Variants in RAPGEF4 observed in about 807,000 individuals in gnomAD.
RAPGEF4 encodes the protein RAP guanine-nucleotide-exchange factor (GEF) 4.
In RAPGEF4, 66 loss-of-function variants were observed where a neutral mutation model predicts 147.9. The observed-to-expected ratio is 0.45, with a 90% confidence interval of 0.37 to 0.55. The LOEUF is 0.55. RAPGEF4 is among the 20% of genes least tolerant of loss of function. The pLI is 0.00. For synonymous variants in RAPGEF4, 419 were observed against 442.7 expected (o/e 0.95, Z 0.67); for missense variants, 1,071 against 1,257.3 (o/e 0.85, Z 2.24).
chr2:173,027,035 T>C (rs1575555325), intron 24 of RAPGEF4, 46 bp from the exon 25 acceptor site: 1 of 1,501,584 alleles, frequency 6.7e-7, no homozygotes, highest in Non-Finnish European at 9.0e-7. Context: ...TGCTGGTGTT[T>C]TGATTTAAAA....
chr2:172,856,577 G>A (rs1335549453), intron 4 of RAPGEF4, among the ~76,000 whole-genome samples: 2 of 152,118 alleles, frequency 1.3e-5, no homozygotes, highest in Non-Finnish European at 2.9e-5. Flanking sequence ...TTCTGTTTTT[G>A]TAGGCAGTTA....
rs746551041 is a variant in RAPGEF4, at chr2:172,805,696, A to G, written c.297+8083A>G. ...AAGGATTAATCCTTCCATTTCGCCA[A>G]TAATATCTGTCCCCACCTTCAGTCT... On this transcript the variant is annotated intron_variant, in intron 3 of 30. Transcript: ENST00000397081. Among the ~76,000 whole-genome samples, 26 of 152,274 alleles carry G rather than the reference A, an allele frequency of 1.7e-4. No individual in the cohort carries two copies. The South Asian group carries it at 1.9e-3, about 11-fold the overall frequency.
intron 6 of RAPGEF4, among the ~76,000 whole-genome samples, chr2:172,959,483 A>G (rs1689068645): frequency 6.6e-6 from 1 of 152,152 alleles, no homozygotes; most frequent in South Asian, 2.1e-4. Flanking sequence ...GTAACCTGAC[A>G]TGTTTGAAGG....
intron 6 of RAPGEF4, among the ~76,000 whole-genome samples, chr2:172,931,040 C>G (rs181229869): frequency 1.4e-4 from 22 of 152,074 alleles, no homozygotes; most frequent in Admixed American, 9.8e-4. Context: ...TTGCCAGTTC[C>G]CATCCCTGAC....
At chr2:172,946,442 T>C (rs777764099) in intron 6 of RAPGEF4, among the ~76,000 whole-genome samples, 1 of 152,212 alleles carries the variant, frequency 6.6e-6, no homozygotes, top group Non-Finnish European at 1.5e-5. Flanking sequence ...TCTGATTCTC[T>C]GTATCTATTC....
intron 1 of RAPGEF4, among the ~76,000 whole-genome samples, chr2:172,768,605 C>T (rs374557202): frequency 1.3e-5 from 2 of 152,186 alleles, no homozygotes. Context: ...TTGTAGGTGC[C>T]GGTGACATCA....
At chr2:173,026,065 A>G (rs932850913) in intron 23 of RAPGEF4, among the ~76,000 whole-genome samples, 3 of 152,174 alleles carry the variant, frequency 2.0e-5, no homozygotes, top group African/African-American at 7.2e-5. Flanking sequence ...AGAGCTTTCC[A>G]TTCCCTCATG....
At chr2:172,928,153 T>A in intron 6 of RAPGEF4, 1 of 452,736 alleles carries the variant, frequency 2.2e-6, no homozygotes, top group Non-Finnish European at 4.4e-6. Flanking sequence ...GAAAATACCG[T>A]GACTTCATGT....
chr2:172,793,161 C>T (rs1374996876), intron 1 of RAPGEF4, among the ~76,000 whole-genome samples: 1 of 152,150 alleles, frequency 6.6e-6, no homozygotes, highest in Non-Finnish European at 1.5e-5. Flanking sequence ...GTCACCACCT[C>T]CAAATGGCTG....
intron 25 of RAPGEF4, 61 bp downstream of exon 25, chr2:173,027,320 T>C: frequency 7.2e-7 from 1 of 1,386,434 alleles, no homozygotes; most frequent in South Asian, 1.4e-5. Flanking sequence ...CATTTTGTTT[T>C]CTTAGACTAC....
chr2:172,738,891 A>G (rs13410779), intron 1 of RAPGEF4, among the ~76,000 whole-genome samples: 17,800 of 152,250 alleles, frequency 0.12, 1,087 homozygotes, highest in South Asian at 0.19. Context: ...AAAGAAGTAT[A>G]CAATGAAATT....
intron 1 of RAPGEF4, among the ~76,000 whole-genome samples, chr2:172,786,847 A>C (rs908150298): frequency 6.6e-6 from 1 of 152,142 alleles, no homozygotes; most frequent in Non-Finnish European, 1.5e-5. Context: ...GTATATGGCC[A>C]CTGTCCTCTA....
chr2:172,903,219 A>G (rs1345370948), intron 4 of RAPGEF4, among the ~76,000 whole-genome samples: 3 of 151,924 alleles, frequency 2.0e-5, no homozygotes, highest in Non-Finnish European at 4.4e-5. Context: ...AAATACAAAG[A>G]TTAGCTGGGC....
At chr2:172,871,133 A>G (rs1009264371) in intron 4 of RAPGEF4, among the ~76,000 whole-genome samples, 4 of 152,196 alleles carry the variant, frequency 2.6e-5, no homozygotes, top group Non-Finnish European at 4.4e-5. Flanking sequence ...GGGTTGTTCC[A>G]TCATTATCAA....
rs970393994 is a variant in RAPGEF4 at position 173,024,453 on chromosome 2, G to A, written c.2254-2119G>A. 5.7e-5 allele frequency among the ~76,000 whole-genome samples: 8 copies of A among 140,478 alleles called. 2 individuals carry two copies. 92.2% of individuals were successfully genotyped at this position (140,478 alleles called of 152,430 possible). On this transcript the variant is annotated intron_variant, in intron 23 of 30. Transcript: ENST00000397081. ...AGGATGGTCTCGATCTCCTGACCTCGTGATCCGCCCGCCTCGGCCTCCCAA... is the reference window on the plus strand; with the variant it reads ...AGGATGGTCTCGATCTCCTGACCTCATGATCCGCCCGCCTCGGCCTCCCAA...
chr2:173,025,371 T>A (rs1341701768), intron 23 of RAPGEF4, among the ~76,000 whole-genome samples: 1 of 152,258 alleles, frequency 6.6e-6, no homozygotes, highest in Non-Finnish European at 1.5e-5. Flanking sequence ...ATGATGGAAC[T>A]TGTATAATAT....
intron 10 of RAPGEF4, among the ~76,000 whole-genome samples, chr2:172,978,856 C>G (rs1199306470): frequency 6.6e-6 from 1 of 152,200 alleles, no homozygotes; most frequent in African/African-American, 2.4e-5. Flanking sequence ...TTTCCAATGT[C>G]ATTTTGCATG....
chr2:173,050,531 G>A (rs369724859), intron 30 of RAPGEF4, among the ~76,000 whole-genome samples: 1 of 152,096 alleles, frequency 6.6e-6, no homozygotes, highest in Non-Finnish European at 1.5e-5. Context: ...ACTGCAGAAG[G>A]CAGTGTACTG....
chr2:172,965,293 G>A (rs986588812), intron 8 of RAPGEF4: 1 of 422,376 alleles, frequency 2.4e-6, no homozygotes, highest in East Asian at 4.0e-5. Flanking sequence ...CCCTCTAGCG[G>A]CCCCCTGGTC....
Sources: gnomAD v4.1 joint callset for allele counts (sites outside exome capture counted in the v4.1 genomes callset) on GRCh38, gnomAD v4.1.1 for gene constraint, MANE v1.5 for transcripts, NCBI Gene and HGNC (gene_info 2026-07-23, HGNC 2026-07-21) for gene names.